NRCAM: variants seen among roughly 807,000 people sequenced by gnomAD.
NRCAM encodes the protein NgCAM-related cell adhesion molecule.
Under a neutral mutation model 156.5 loss-of-function variants are expected in NRCAM, and 83 were observed. The observed-to-expected ratio is 0.53, with a 90% CI of 0.44 to 0.64. NRCAM has a LOEUF of 0.64. Among genes scored for constraint, NRCAM ranks in the 30% least tolerant of loss-of-function variants. NRCAM has a pLI of 0.00. For synonymous variants in NRCAM, 538 were observed against 563.9 expected, an observed-to-expected ratio of 0.95 and a Z score of 0.65; for missense variants, 1,417 against 1,597.3, an observed-to-expected ratio of 0.89 and a Z score of 1.92.
intron 13 of NRCAM, among the ~76,000 whole-genome samples, chr7:108,201,766 A>C (rs1184443881): frequency 6.6e-6 from 1 of 152,174 alleles, no homozygotes; most frequent in Non-Finnish European, 1.5e-5. Flanking sequence ...TTTTTACCTG[A>C]AAGGCATCTG....
At chr7:108,340,122 G>A (rs559604166) in intron 2 of NRCAM, among the ~76,000 whole-genome samples, 181 of 152,244 alleles carry the variant, frequency 1.2e-3, no homozygotes, top group Admixed American at 2.1e-3. Flanking sequence ...AGCTCTCAGA[G>A]TCTACCTCCC....
intron 3 of NRCAM, among the ~76,000 whole-genome samples, chr7:108,241,680 A>G (rs185073441): frequency 4.0e-5 from 6 of 151,474 alleles, no homozygotes; most frequent in Admixed American, 1.3e-4. Context: ...TATTTGGAGG[A>G]AAAAAAAAGG....
chr7:108,230,134 C>T (rs1031030155), intron 8 of NRCAM, among the ~76,000 whole-genome samples: 6 of 152,122 alleles, frequency 3.9e-5, no homozygotes, highest in South Asian at 2.1e-4. Flanking sequence ...ACTTCCTCCC[C>T]GCCATGGGTT....
chr7:108,345,442 A>G (rs2099346110), intron 2 of NRCAM, among the ~76,000 whole-genome samples: 1 of 152,214 alleles, frequency 6.6e-6, no homozygotes, highest in African/African-American at 2.4e-5. Flanking sequence ...TATAAGAGCA[A>G]CTTCTACCTT....
At chr7:108,172,217 G>T (rs1318869969) in intron 28 of NRCAM, among the ~76,000 whole-genome samples, 1 of 152,106 alleles carries the variant, frequency 6.6e-6, no homozygotes, top group Non-Finnish European at 1.5e-5. Context: ...GCACATTTTT[G>T]GTTCATTTCT....
intron 30 of NRCAM, among the ~76,000 whole-genome samples, chr7:108,166,222 T>A (rs1182843438): frequency 6.6e-6 from 1 of 151,448 alleles, no homozygotes; most frequent in African/African-American, 2.4e-5. Flanking sequence ...CATTTTGAAA[T>A]AAAGAATTGT....
chr7:108,319,692 C>CAAA (rs2154200564), intron 2 of NRCAM, among the ~76,000 whole-genome samples: 1 of 152,288 alleles, frequency 6.6e-6, no homozygotes, highest in South Asian at 2.1e-4. Flanking sequence ...CAAGGTCAGA[C>CAAA]TTTTCTAAGG....
chr7:108,428,043 T>C (rs1474965297), intron 1 of NRCAM, among the ~76,000 whole-genome samples: 1 of 152,152 alleles, frequency 6.6e-6, no homozygotes, highest in Non-Finnish European at 1.5e-5. Context: ...TAATGACAAA[T>C]GGGCTTTGTG....
intron 2 of NRCAM, among the ~76,000 whole-genome samples, chr7:108,373,189 T>G (rs56102707): frequency 0.33 from 49,984 of 151,724 alleles, 8,735 homozygotes; most frequent in East Asian, 0.6. Context: ...TGCCAAGGGG[T>G]GGAAGTAGGA....
At chr7:108,339,748 A>G (rs964852686) in intron 2 of NRCAM, among the ~76,000 whole-genome samples, 1 of 152,172 alleles carries the variant, frequency 6.6e-6, no homozygotes, top group African/African-American at 2.4e-5. Flanking sequence ...CTCTACGACT[A>G]ATGCTCGTCG....
chr7:108,333,881 C>A (rs1468639009), intron 2 of NRCAM, among the ~76,000 whole-genome samples: 10 of 152,162 alleles, frequency 6.6e-5, no homozygotes, highest in Admixed American at 5.9e-4. Flanking sequence ...TAATAACATT[C>A]TTCACAAAAC....
At chr7:108,367,329 T>G (rs115849621) in intron 2 of NRCAM, among the ~76,000 whole-genome samples, 1 of 152,136 alleles carries the variant, frequency 6.6e-6, no homozygotes, top group South Asian at 2.1e-4. Context: ...ATATATAGTA[T>G]TTTCATTTTT....
chr7:108,388,506 G>C (rs369820200), intron 2 of NRCAM, among the ~76,000 whole-genome samples: 1 of 152,112 alleles, frequency 6.6e-6, no homozygotes, highest in African/African-American at 2.4e-5. Context: ...CCATTCTGTA[G>C]GTTGCCTGTT....
chr7:108,332,558 G>C (rs17155477), intron 2 of NRCAM, among the ~76,000 whole-genome samples: 4,987 of 152,084 alleles, frequency 0.033, 286 homozygotes, highest in African/African-American at 0.11. Context: ...TTTTACAAAA[G>C]AACTGTGGTA....
chr7:108,451,835 A>G (rs1217118659), intron 1 of NRCAM, among the ~76,000 whole-genome samples: 1 of 152,216 alleles, frequency 6.6e-6, no homozygotes, highest in Non-Finnish European at 1.5e-5. Flanking sequence ...ACAGAGTTAC[A>G]ATTTGGGAAG....
intron 8 of NRCAM, among the ~76,000 whole-genome samples, 196 bp from the exon 9 acceptor site, chr7:108,226,574 T>C (rs1214403621): frequency 6.6e-6 from 1 of 151,554 alleles, no homozygotes; most frequent in Non-Finnish European, 1.5e-5. Flanking sequence ...ACTCTAACTC[T>C]ACTTCCCTGA....
chr7:108,171,857 T>C (rs2058554729), intron 28 of NRCAM, among the ~76,000 whole-genome samples: 2 of 152,312 alleles, frequency 1.3e-5, no homozygotes, highest in South Asian at 4.1e-4. Flanking sequence ...TCTATGCTTC[T>C]AGATGTCTTG....
At chr7:108,348,320 T>C (rs2099384915) in intron 2 of NRCAM, among the ~76,000 whole-genome samples, 1 of 152,138 alleles carries the variant, frequency 6.6e-6, no homozygotes, top group Admixed American at 6.5e-5. Context: ...CCAGAGTAGG[T>C]AACAACAAGG....
At chr7:108,272,952 G>A (rs2097425367) in intron 3 of NRCAM, among the ~76,000 whole-genome samples, 1 of 152,002 alleles carries the variant, frequency 6.6e-6, no homozygotes, top group African/African-American at 2.4e-5. Context: ...CTGTGTCCAT[G>A]TGTTCTCATT....
Sources: gnomAD v4.1 joint callset for allele counts (sites outside exome capture counted in the v4.1 genomes callset) on GRCh38, gnomAD v4.1.1 for gene constraint, MANE v1.5 for transcripts, NCBI Gene and HGNC (gene_info 2026-07-23, HGNC 2026-07-21) for gene names.